NDUFA9: variants seen among roughly 807,000 people sequenced by gnomAD.
NDUFA9 encodes NADH:ubiquinone oxidoreductase subunit A9, also known as NADH dehydrogenase [ubiquinone] 1 alpha subcomplex subunit 9, mitochondrial.
A neutral mutation model predicts 45.9 loss-of-function variants in NDUFA9; 23 were observed. That is an observed-to-expected ratio of 0.50 (90% CI 0.36 to 0.71). The LOEUF is 0.71. Among genes scored for constraint, NDUFA9 ranks in the 30% least tolerant of loss-of-function variants. The pLI is 0.00. For synonymous variants in NDUFA9, 176 were observed against 170.5 expected (o/e 1.03, Z -0.25); for missense variants, 466 against 488.2 (o/e 0.95, Z 0.43).
In NDUFA9 at chr12:4,670,754, T is replaced by C. The variant is rs549889513; in HGVS notation, c.800+937T>C. 9.2e-5 allele frequency among the ~76,000 whole-genome samples: 14 copies of C among 152,340 alleles called. No homozygotes were observed. In the South Asian group the frequency reaches 2.5e-3, roughly 27 times the overall value. On this transcript the variant is annotated intron_variant, in intron 8 of 10. Coordinates refer to ENST00000266544, the MANE Select transcript of NDUFA9 (RefSeq NM_005002.5). ...CAGTTCCCAGTTTGGTACATTAGCATGCAATCAGTTATATAGTCTAGATAA... is the reference window on the plus strand; with the variant it reads ...CAGTTCCCAGTTTGGTACATTAGCACGCAATCAGTTATATAGTCTAGATAA...
intron 3 of NDUFA9, chr12:4,655,749 G>A (rs966550686): frequency 1.6e-4 from 24 of 152,180 alleles, no homozygotes; most frequent in African/African-American, 5.8e-4. Context: ...TAGGGCAGTA[G>A]TTGCCAATGC....
Position 4,687,137 on chromosome 12 carries a change from G to T in NDUFA9, c.*29G>T. ...CTCCTGAGCAGCTCTTGGTTTTGGC[G>T]TCTTTTGGGTCGGCCCATGTGGTTT... On this transcript the variant is annotated 3_prime_UTR_variant, in exon 11 of 11. Coordinates refer to ENST00000266544, the MANE Select transcript of NDUFA9 (RefSeq NM_005002.5). 3 of 1,609,652 alleles carry T rather than the reference G, an allele frequency of 1.9e-6. No individual in the cohort carries two copies. Among genetic ancestry groups the T allele is most frequent in the Non-Finnish European group, 1.7e-6 (2 of 1,177,228 alleles).
chr12:4,669,876 A>G, intron 8 of NDUFA9, 59 bp downstream of exon 8: 1 of 1,188,484 alleles, frequency 8.4e-7, no homozygotes. Flanking sequence ...ATCAATATCT[A>G]AATTAGTTAC....
At chr12:4,679,104 T>C (rs1212370657) in intron 8 of NDUFA9, among the ~76,000 whole-genome samples, 2 of 152,206 alleles carry the variant, frequency 1.3e-5, no homozygotes, top group Non-Finnish European at 2.9e-5. Flanking sequence ...GAATGAAATA[T>C]TGACATGTTA....
intron 3 of NDUFA9, 65 bp downstream of exon 3, chr12:4,654,987 A>T: frequency 7.7e-7 from 1 of 1,298,878 alleles, no homozygotes; most frequent in South Asian, 1.3e-5. Flanking sequence ...TTTAGGAGTG[A>T]TAGGCAGTAT....
intron 8 of NDUFA9, 145 bp downstream of exon 8, chr12:4,669,962 C>A (rs78705685): frequency 2.3e-5 from 15 of 649,408 alleles, no homozygotes; most frequent in African/African-American, 9.1e-5. Flanking sequence ...TTTGAGGGAA[C>A]CTGGAATCTA....
intron 4 of NDUFA9, among the ~76,000 whole-genome samples, chr12:4,658,397 A>C (rs1945803673): frequency 6.6e-6 from 1 of 150,874 alleles, no homozygotes; most frequent in Admixed American, 6.6e-5. Context: ...AAATTCTTTG[A>C]TGACTTGGGG....
intron 8 of NDUFA9, among the ~76,000 whole-genome samples, chr12:4,678,380 C>T (rs1395062510): frequency 2.0e-5 from 3 of 151,516 alleles, no homozygotes; most frequent in Admixed American, 6.6e-5. Flanking sequence ...TCTTCTAGAC[C>T]TTGGATTCTA....
chr12:4,661,339 T>C (rs1305156697), intron 5 of NDUFA9, among the ~76,000 whole-genome samples: 3 of 152,292 alleles, frequency 2.0e-5, no homozygotes, highest in East Asian at 1.9e-4. Context: ...TTGAATACAG[T>C]AGAAAATGTT....
intron 8 of NDUFA9, among the ~76,000 whole-genome samples, chr12:4,670,071 A>G (rs576311414): frequency 1.3e-5 from 2 of 152,184 alleles, no homozygotes; most frequent in Non-Finnish European, 1.5e-5. Context: ...GTTTTGTACT[A>G]CTCCAGTGAT....
rs181864424 is a variant in NDUFA9 at position 4,661,803 on chromosome 12, G to A, written c.553-730G>A. ...AATTGTAGGAAATGGACATCCAAGAGCAGGATGTCTTCATTTAATACCTCA... is the reference window on the plus strand; with the variant it reads ...AATTGTAGGAAATGGACATCCAAGAACAGGATGTCTTCATTTAATACCTCA... On this transcript the variant is annotated intron_variant, in intron 5 of 10. Transcript: ENST00000266544. 2.6e-5 allele frequency among the ~76,000 whole-genome samples: 4 copies of A among 151,860 alleles called. No homozygotes were observed. In the East Asian group the frequency reaches 7.8e-4, roughly 29 times the overall value.
chr12:4,675,576 C>G (rs771905096), intron 8 of NDUFA9, among the ~76,000 whole-genome samples: 3 of 152,164 alleles, frequency 2.0e-5, no homozygotes, highest in Non-Finnish European at 4.4e-5. Flanking sequence ...TGGATAGGTT[C>G]CTGGACACAT....
chr12:4,685,460 C>T (rs1412787320), intron 10 of NDUFA9, 135 bp downstream of exon 10: 14 of 749,278 alleles, frequency 1.9e-5, no homozygotes, highest in South Asian at 9.3e-5. Context: ...CCTCTACTAG[C>T]GCTGAAGCTC....
At chr12:4,666,707 C>G (rs1168843994) in intron 6 of NDUFA9, among the ~76,000 whole-genome samples, 1 of 152,082 alleles carries the variant, frequency 6.6e-6, no homozygotes, top group East Asian at 1.9e-4. Context: ...TTTCTCTATT[C>G]CATTGCTCTG....
At chr12:4,665,996 G>A (rs1272386384) in intron 6 of NDUFA9, among the ~76,000 whole-genome samples, 3 of 152,028 alleles carry the variant, frequency 2.0e-5, no homozygotes, top group African/African-American at 4.8e-5. Context: ...TGTAGAGACA[G>A]GTCTTGCTCT....
intron 9 of NDUFA9, among the ~76,000 whole-genome samples, chr12:4,682,960 G>C (rs1317827863): frequency 1.3e-5 from 2 of 152,140 alleles, no homozygotes; most frequent in African/African-American, 4.8e-5. Flanking sequence ...CACCTACTGG[G>C]GTGGAGGTGG....
At position 4,691,467 on chromosome 12, in the gene NDUFA9, ACTG is replaced by A. The variant is rs1946018071; in HGVS notation, c.*4360_*4362del. 6.6e-6 allele frequency: 1 copy of A among 152,226 alleles called. No homozygotes were observed. Among genetic ancestry groups the A allele is most frequent in the African/African-American group, 2.4e-5 (1 of 41,458 alleles). 9.4% of individuals were successfully genotyped at this position (152,226 alleles called of 1,614,324 possible). A position where few individuals can be genotyped will look rare whatever the true frequency, so the allele number is the denominator to read the frequency against. On this transcript the variant is annotated 3_prime_UTR_variant, in exon 11 of 11. Coordinates refer to ENST00000266544, the MANE Select transcript of NDUFA9 (RefSeq NM_005002.5). ...CAACCTGGATCTTTCTGGCTACAAA[ACTG>A]ATGCCTTGTTCCAGAAAGGATTTAA...
At chr12:4,677,709 A>G (rs1945928475) in intron 8 of NDUFA9, among the ~76,000 whole-genome samples, 1 of 152,200 alleles carries the variant, frequency 6.6e-6, no homozygotes, top group Non-Finnish European at 1.5e-5. Context: ...AGTGTAAACC[A>G]TTGTGGAAGA....
At position 4,688,286 on chromosome 12, in the gene NDUFA9, A is replaced by C. The variant is rs1945999482; in HGVS notation, c.*1178A>C. On this transcript the variant is annotated 3_prime_UTR_variant, in exon 11 of 11. Coordinates refer to ENST00000266544, the MANE Select transcript of NDUFA9 (RefSeq NM_005002.5). ...CGCTTGAGGCCAGGAGTTTGAGACC[A>C]GCCTAGGCAATATGGCAAGACCTTG... 1 of 152,060 alleles carries C rather than the reference A, an allele frequency of 6.6e-6. No homozygotes were observed. The highest frequency in any genetic ancestry group is 2.4e-5 in the African/African-American group (1 of 41,426). 9.4% of individuals were successfully genotyped at this position (152,060 alleles called of 1,614,324 possible). A position where few individuals can be genotyped will look rare whatever the true frequency, so the allele number is the denominator to read the frequency against.
Sources: gnomAD v4.1 joint callset for allele counts (sites outside exome capture counted in the v4.1 genomes callset) on GRCh38, gnomAD v4.1.1 for gene constraint, MANE v1.5 for transcripts, NCBI Gene and HGNC (gene_info 2026-07-23, HGNC 2026-07-21) for gene names.